THBS4: variants seen among roughly 807,000 people sequenced by gnomAD.
The protein encoded by THBS4 is thrombospondin-4.
In THBS4, 90 loss-of-function variants were observed where a neutral mutation model predicts 115.7. That is an observed-to-expected ratio of 0.78 (90% CI 0.66 to 0.93). The LOEUF is 0.93. THBS4 is among the 40% of genes least tolerant of loss of function. The probability of loss-of-function intolerance (pLI) is 0.00; values close to 1 mark genes in which losing one functional copy is unlikely to be tolerated. For synonymous variants in THBS4, 460 were observed against 479.3 expected (o/e 0.96, Z 0.53); for missense variants, 1,087 against 1,232.7 (o/e 0.88, Z 1.77).
intron 15 of THBS4, among the ~76,000 whole-genome samples, chr5:80,074,917 G>T (rs1012476934): frequency 1.3e-5 from 2 of 152,112 alleles, no homozygotes; most frequent in African/African-American, 4.8e-5. Context: ...TTGCTGCAAA[G>T]TACATATAGT....
chr5:80,050,758 C>T (rs1043434252), intron 2 of THBS4, among the ~76,000 whole-genome samples: 46 of 152,332 alleles, frequency 3.0e-4, no homozygotes, highest in African/African-American at 1.1e-3. Context: ...CTACTGAATT[C>T]CTTCCCAAAG....
At chr5:80,025,434 A>T (rs1832457316) in intron 2 of THBS4, among the ~76,000 whole-genome samples, 1 of 152,174 alleles carries the variant, frequency 6.6e-6, no homozygotes, top group Non-Finnish European at 1.5e-5. Context: ...GACAGTGTTG[A>T]AAGATTGTGT....
chr5:80,057,434 C>G (rs1470764655), intron 3 of THBS4, among the ~76,000 whole-genome samples: 1 of 152,180 alleles, frequency 6.6e-6, no homozygotes, highest in Non-Finnish European at 1.5e-5. Flanking sequence ...TGGGCAAAGC[C>G]AGTCATTTTC....
chr5:80,003,825 A>C (rs544940772), intron 2 of THBS4, among the ~76,000 whole-genome samples: 2 of 152,198 alleles, frequency 1.3e-5, no homozygotes, highest in Admixed American at 1.3e-4. Flanking sequence ...CCTCTATAGC[A>C]TCTGGTATTT....
chr5:80,073,145 A>G (rs2112147635), intron 14 of THBS4, 130 bp from the exon 15 acceptor site: 1 of 856,502 alleles, frequency 1.2e-6, no homozygotes, highest in Non-Finnish European at 1.9e-6. Flanking sequence ...GTCCTTTTGC[A>G]GTTTTGCACC....
intron 14 of THBS4, 82 bp downstream of exon 14, chr5:80,072,478 C>A: frequency 7.8e-7 from 1 of 1,279,392 alleles, no homozygotes; most frequent in Non-Finnish European, 1.1e-6. Context: ...TCTAGAAAAA[C>A]AGCAGAGCCT....
intron 2 of THBS4, among the ~76,000 whole-genome samples, chr5:79,999,237 TAAG>T (rs1293338633): frequency 6.6e-6 from 1 of 152,242 alleles, no homozygotes; most frequent in East Asian, 1.9e-4. Context: ...TATGGCATAA[TAAG>T]AATTACTATA....
At position 80,028,097 on chromosome 5, in the gene THBS4, C is replaced by A. The variant is rs137875409; in HGVS notation, n.178-11980C>A. 1.3e-4 allele frequency among the ~76,000 whole-genome samples: 19 copies of A among 151,626 alleles called. No individual in the cohort carries two copies. The East Asian group carries it at 3.7e-3, about 29-fold the overall frequency. On this transcript the variant is annotated intron_variant and non_coding_transcript_variant, in intron 2 of 3. Transcript: ENST00000510218. ...GGGCACAGTAGTGCACACCTGCAAT[C>A]CCAGCTACACAGGAGACTGAGGCAG...
At chr5:80,002,411 GC>G (rs2151150374) in intron 2 of THBS4, among the ~76,000 whole-genome samples, 1 of 152,154 alleles carries the variant, frequency 6.6e-6, no homozygotes, top group East Asian at 1.9e-4. Context: ...TGACTCTCCT[GC>G]CCCTAACCCA....
upstream of THBS4, among the ~76,000 whole-genome samples, chr5:80,031,358 G>A (rs1832583966): frequency 6.6e-6 from 1 of 152,156 alleles, no homozygotes; most frequent in South Asian, 2.1e-4. Context: ...GGGAAGTGGT[G>A]GGGCTTGAGA....
At chr5:80,054,769 C>A (rs894623963) in intron 2 of THBS4, among the ~76,000 whole-genome samples, 3 of 152,064 alleles carry the variant, frequency 2.0e-5, no homozygotes, top group African/African-American at 7.2e-5. Flanking sequence ...CCAGCCAATA[C>A]CTCTTATTAT....
chr5:80,040,018 C>A, intron 1 of THBS4, 59 bp from the exon 2 acceptor site: 4 of 1,497,460 alleles, frequency 2.7e-6, no homozygotes, highest in Non-Finnish European at 3.7e-6. Flanking sequence ...AACAAAGAAA[C>A]CCTGTTTTCC....
chr5:80,057,399 A>G (rs1833467460), intron 3 of THBS4, among the ~76,000 whole-genome samples: 1 of 152,200 alleles, frequency 6.6e-6, no homozygotes, highest in African/African-American at 2.4e-5. Flanking sequence ...AAATGGGCAC[A>G]TTCTAGGCAT....
intron 2 of THBS4, among the ~76,000 whole-genome samples, chr5:80,015,277 A>G (rs1236204445): frequency 1.3e-5 from 2 of 152,178 alleles, no homozygotes; most frequent in Non-Finnish European, 2.9e-5. Flanking sequence ...AGCAAGAGCT[A>G]AGTAGGGGCT....
chr5:80,082,421 A>G lies in THBS4; in HGVS notation c.2700A>G (p.Glu900=). 3.1e-6 allele frequency: 5 copies of G among 1,614,080 alleles called. No homozygotes were observed. Among genetic ancestry groups the G allele is most frequent in the Non-Finnish European group, 4.2e-6 (5 of 1,179,960 alleles). Residue 900 remains glutamate (E), a synonymous_variant, in exon 21 of 22, where the codon GAA becomes GAG. Transcript: ENST00000350881. The stretch of plus-strand genomic sequence containing the variant: ...TTGTCCGCAGGGTACGATTTTATGA[A>G]GGCTCTGAGTTGGTGGCTGACTCTG... ...QVGYIRVRFY[E]GSELVADSGV... is the part of the protein sequence containing the mutation.
At chr5:80,058,405 G>C in intron 4 of THBS4, 91 bp downstream of exon 4, 1 of 914,728 alleles carries the variant, frequency 1.1e-6, no homozygotes, top group Non-Finnish European at 1.7e-6. Flanking sequence ...AAGTGGGACT[G>C]TCAACAGAGC....
upstream of THBS4, among the ~76,000 whole-genome samples, chr5:80,034,260 C>T (rs746623318): frequency 3.3e-5 from 5 of 152,142 alleles, no homozygotes; most frequent in Non-Finnish European, 5.9e-5. Flanking sequence ...AGATAGCTCA[C>T]AAATCTCCAA....
chr5:80,052,515 C>G (rs1833287714), intron 2 of THBS4: 1 of 152,112 alleles, frequency 6.6e-6, no homozygotes, highest in Admixed American at 6.5e-5. Flanking sequence ...CTTCAGGAAA[C>G]TTAGTATTGT....
intron 2 of THBS4, among the ~76,000 whole-genome samples, chr5:80,005,742 C>T (rs1028894291): frequency 3.4e-5 from 5 of 149,078 alleles, no homozygotes; most frequent in Admixed American, 6.7e-5. Flanking sequence ...ACACGGTACA[C>T]GGTATGTTTT....
Sources: gnomAD v4.1 joint callset for allele counts (sites outside exome capture counted in the v4.1 genomes callset) on GRCh38, gnomAD v4.1.1 for gene constraint, MANE v1.5 for transcripts, NCBI Gene and HGNC (gene_info 2026-07-23, HGNC 2026-07-21) for gene names.